PPM1L: variants seen among roughly 807,000 people sequenced by gnomAD.
The protein encoded by PPM1L is protein phosphatase, Mg2+/Mn2+ dependent 1L, also known as protein phosphatase 1L.
Under a neutral mutation model 31.4 loss-of-function variants are expected in PPM1L, and 13 were observed. That is an observed-to-expected ratio of 0.41 (90% confidence interval 0.27 to 0.66). The LOEUF (loss-of-function observed/expected upper bound fraction) is 0.66, where lower values mean the gene tolerates loss of function less well. PPM1L is among the 30% of genes least tolerant of loss of function. The pLI is 0.29. For synonymous variants in PPM1L, 184 were observed against 175.4 expected (o/e 1.05, Z -0.39); for missense variants, 326 against 453.7 (o/e 0.72, Z 2.56).
chr3:160,813,017 C>T (rs1026710409), intron 1 of PPM1L, among the ~76,000 whole-genome samples: 29 of 151,974 alleles, frequency 1.9e-4, no homozygotes, highest in African/African-American at 6.5e-4. Flanking sequence ...TCCTTTTGTC[C>T]TCTTTGGTAC....
chr3:161,032,287 A>C (rs1219348843), intron 2 of PPM1L, among the ~76,000 whole-genome samples: 1 of 152,224 alleles, frequency 6.6e-6, no homozygotes, highest in Admixed American at 6.5e-5. Flanking sequence ...TCTATCACTC[A>C]ATAGGTCACC....
intron 1 of PPM1L, among the ~76,000 whole-genome samples, chr3:160,764,021 A>G (rs921691803): frequency 1.2e-3 from 186 of 152,360 alleles, no homozygotes; most frequent in African/African-American, 4.2e-3. Context: ...TGACTCCATG[A>G]TAGATATTAC....
chr3:160,997,394 T>A (rs1717356714), intron 2 of PPM1L, among the ~76,000 whole-genome samples: 3 of 152,226 alleles, frequency 2.0e-5, no homozygotes, highest in Non-Finnish European at 4.4e-5. Context: ...CCAAATATGA[T>A]ATCTATCCAC....
In PPM1L at chr3:160,786,155, C is replaced by CTGTGTGTGTG. The variant is rs796240930; in HGVS notation, c.399+29449_399+29450insGTGTGTGTGT. Among the ~76,000 whole-genome samples the CTGTGTGTGTG allele has an allele frequency of 4.1e-3, 344 of 83,106 alleles. 8 individuals carry two copies. The highest frequency in any genetic ancestry group is 0.023 in the African/African-American group (267 of 11,578). The allele number at this position is 83,106 out of a possible 152,430, so 54.5% of individuals were successfully genotyped here. A position where few individuals can be genotyped will look rare whatever the true frequency, so the allele number is the denominator to read the frequency against. On this transcript the variant is annotated intron_variant, in intron 1 of 3. Coordinates refer to ENST00000498165, the MANE Select transcript of PPM1L (RefSeq NM_139245.4). ...TCTCTCTCTCTCTCTCTCTCTCTCT[C>CTGTGTGTGTG]TCTGTGTGTGTGTGTGTGTGTGTGT...
intron 2 of PPM1L, among the ~76,000 whole-genome samples, chr3:161,026,697 C>CA (rs5853919): frequency 1.4e-3 from 183 of 131,806 alleles, no homozygotes; most frequent in Non-Finnish European, 2.0e-3. Flanking sequence ...GACTCTGTCT[C>CA]AAAAAAAAAA....
chr3:160,887,317 TGA>T lies in PPM1L; in HGVS notation c.400-74417_400-74416del, dbSNP rs200401749. On this transcript the variant is annotated intron_variant, in intron 1 of 3. Transcript: ENST00000498165. ...ATACATCCAGGAGAACTTCCCCAAC[TGA>T]GCAAGACAGGCCAACATGCAAATTC... 9.2e-3 allele frequency among the ~76,000 whole-genome samples: 1,397 copies of T among 152,124 alleles called. 24 individuals are homozygous for T. Among genetic ancestry groups the T allele is most frequent in the African/African-American group, 0.032 (1,335 of 41,490 alleles).
chr3:160,757,031 A>G (rs2108052211), intron 1 of PPM1L, among the ~76,000 whole-genome samples: 1 of 152,228 alleles, frequency 6.6e-6, no homozygotes. Context: ...TAGTTTAGCA[A>G]GGAGAATTAA....
chr3:160,907,764 A>G (rs1381087990), intron 1 of PPM1L, among the ~76,000 whole-genome samples: 1 of 152,202 alleles, frequency 6.6e-6, no homozygotes, highest in Non-Finnish European at 1.5e-5. Context: ...GGAGGGAATC[A>G]TGTTCCTGGA....
intron 1 of PPM1L, among the ~76,000 whole-genome samples, chr3:160,808,309 G>A (rs913898716): frequency 6.7e-6 from 1 of 150,374 alleles, no homozygotes; most frequent in Admixed American, 6.6e-5. Flanking sequence ...GTGTGTGTGT[G>A]TGTGTGTGTG....
intron 1 of PPM1L, among the ~76,000 whole-genome samples, chr3:160,931,738 T>C (rs906706028): frequency 6.6e-6 from 1 of 152,202 alleles, no homozygotes; most frequent in Non-Finnish European, 1.5e-5. Context: ...TAAATATCCT[T>C]AGGTTAGGAT....
At chr3:160,841,634 G>A (rs1187721666) in intron 1 of PPM1L, among the ~76,000 whole-genome samples, 1 of 152,140 alleles carries the variant, frequency 6.6e-6, no homozygotes, top group South Asian at 2.1e-4. Context: ...GCAGGGTGCA[G>A]CACAGTCATA....
chr3:160,899,796 A>G (rs996882572), intron 1 of PPM1L, among the ~76,000 whole-genome samples: 1 of 152,146 alleles, frequency 6.6e-6, no homozygotes, highest in African/African-American at 2.4e-5. Context: ...GAAATGACTG[A>G]TTTTTATAAA....
At chr3:160,803,107 T>C (rs1194313895) in intron 1 of PPM1L, among the ~76,000 whole-genome samples, 1 of 152,208 alleles carries the variant, frequency 6.6e-6, no homozygotes, top group African/African-American at 2.4e-5. Flanking sequence ...ACCATCTCAG[T>C]GTAAAATATG....
At chr3:161,007,453 A>T (rs907570461) in intron 2 of PPM1L, among the ~76,000 whole-genome samples, 1 of 152,196 alleles carries the variant, frequency 6.6e-6, no homozygotes, top group Admixed American at 6.5e-5. Context: ...AAGGAGGCCC[A>T]TGTAGCTGGA....
chr3:160,781,710 G>A (rs568236042), intron 1 of PPM1L, among the ~76,000 whole-genome samples: 14 of 152,264 alleles, frequency 9.2e-5, no homozygotes, highest in African/African-American at 3.1e-4. Context: ...TTTTGTCTGC[G>A]CATATTTAGA....
At chr3:160,872,623 A>G (rs779718841) in intron 1 of PPM1L, among the ~76,000 whole-genome samples, 2 of 152,234 alleles carry the variant, frequency 1.3e-5, no homozygotes, top group Non-Finnish European at 1.5e-5. Context: ...TTAGACATTC[A>G]AAATTTATAT....
chr3:160,825,626 C>T (rs1347187973), intron 1 of PPM1L, among the ~76,000 whole-genome samples: 2 of 152,098 alleles, frequency 1.3e-5, no homozygotes, highest in Non-Finnish European at 2.9e-5. Context: ...TAATGTTTAA[C>T]TTTGTTATTA....
chr3:160,770,015 A>G (rs1288743584), intron 1 of PPM1L, among the ~76,000 whole-genome samples: 4 of 152,214 alleles, frequency 2.6e-5, no homozygotes, highest in Non-Finnish European at 5.9e-5. Flanking sequence ...TGCTGCTACT[A>G]TAAACTGATT....
At chr3:160,860,098 G>A (rs1399112613) in intron 1 of PPM1L, among the ~76,000 whole-genome samples, 6 of 152,196 alleles carry the variant, frequency 3.9e-5, no homozygotes, top group African/African-American at 1.4e-4. Context: ...GTGATTTGTA[G>A]AAGAAGCAAC....
Sources: gnomAD v4.1 joint callset for allele counts (sites outside exome capture counted in the v4.1 genomes callset) on GRCh38, gnomAD v4.1.1 for gene constraint, MANE v1.5 for transcripts, NCBI Gene and HGNC (gene_info 2026-07-23, HGNC 2026-07-21) for gene names.